The following DDX10 variants were observed in gnomAD, a reference collection of about 807,000 sequenced individuals.
DDX10 encodes DEAD-box helicase 10.
A neutral mutation model predicts 104.3 loss-of-function variants in DDX10; 74 were observed. The observed-to-expected ratio is 0.71, with a 90% CI of 0.59 to 0.86. The LOEUF (loss-of-function observed/expected upper bound fraction) is 0.86, where lower values mean the gene tolerates loss of function less well. DDX10 is among the 40% of genes least tolerant of loss of function. The pLI is 0.00. For synonymous variants in DDX10, 351 were observed against 353.4 expected (o/e 0.99, Z 0.08); for missense variants, 952 against 1,040.0 (o/e 0.92, Z 1.16).
intron 9 of DDX10, among the ~76,000 whole-genome samples, chr11:108,702,936 A>G (rs568011230): frequency 1.3e-5 from 2 of 152,348 alleles, no homozygotes; most frequent in East Asian, 1.9e-4. Flanking sequence ...GCAAGTTTAT[A>G]TATTAATACA....
At chr11:108,915,805 C>G (rs1863740452) in intron 16 of DDX10, among the ~76,000 whole-genome samples, 1 of 152,040 alleles carries the variant, frequency 6.6e-6, no homozygotes, top group South Asian at 2.1e-4. Flanking sequence ...TTACTCTTCC[C>G]TTTCCCAAAT....
chr11:108,887,851 TAG>T (rs879586230), intron 16 of DDX10, among the ~76,000 whole-genome samples: 3 of 151,706 alleles, frequency 2.0e-5, no homozygotes, highest in Non-Finnish European at 2.9e-5. Context: ...ACCTGGGCAG[TAG>T]AGATTGCGGT....
At chr11:108,883,424 C>T in intron 16 of DDX10, among the ~76,000 whole-genome samples, 1 of 152,160 alleles carries the variant, frequency 6.6e-6, no homozygotes, top group Non-Finnish European at 1.5e-5. Flanking sequence ...TATTTGGTTG[C>T]TGGATCCCAT....
At chr11:108,792,549 A>G (rs144697012) in intron 13 of DDX10, among the ~76,000 whole-genome samples, 52 of 152,286 alleles carry the variant, frequency 3.4e-4, no homozygotes, top group African/African-American at 1.2e-3. Flanking sequence ...TGGTACCTTT[A>G]GAAATAAGTT....
intron 16 of DDX10, among the ~76,000 whole-genome samples, chr11:108,855,115 T>C (rs560873492): frequency 2.6e-5 from 4 of 152,342 alleles, no homozygotes; most frequent in African/African-American, 9.6e-5. Context: ...AGTACTTGAA[T>C]TGCACAATAG....
chr11:108,708,246 G>T (rs1591797195), intron 10 of DDX10, among the ~76,000 whole-genome samples: 1 of 144,884 alleles, frequency 6.9e-6, no homozygotes, highest in Admixed American at 6.8e-5. Flanking sequence ...AGTGGATATT[G>T]GATTTTGTTA....
At chr11:108,720,906 T>A (rs2094297561) in intron 12 of DDX10, among the ~76,000 whole-genome samples, 1 of 151,546 alleles carries the variant, frequency 6.6e-6, no homozygotes, top group African/African-American at 2.4e-5. Context: ...TTTTTTTTTT[T>A]TTTTTAAACC....
chr11:108,857,556 T>C (rs1436299102), intron 16 of DDX10, among the ~76,000 whole-genome samples: 1 of 152,236 alleles, frequency 6.6e-6, no homozygotes, highest in Non-Finnish European at 1.5e-5. Flanking sequence ...TTTGTGTGCC[T>C]ATCTCTCATC....
At chr11:108,920,508 A>G (rs1863809406) in intron 17 of DDX10, 1 of 152,198 alleles carries the variant, frequency 6.6e-6, no homozygotes, top group Non-Finnish European at 1.5e-5. Context: ...CTGTGAACAC[A>G]GAGATTGTCT....
At chr11:108,764,342 A>G (rs1015209836) in intron 13 of DDX10, among the ~76,000 whole-genome samples, 1 of 152,126 alleles carries the variant, frequency 6.6e-6, no homozygotes, top group African/African-American at 2.4e-5. Context: ...GTTATTTTTT[A>G]TAAAATTCTC....
chr11:108,795,209 C>T (rs945277104), intron 13 of DDX10, among the ~76,000 whole-genome samples: 27 of 148,306 alleles, frequency 1.8e-4, no homozygotes, highest in Admixed American at 5.4e-4. Context: ...GGAGGTATTT[C>T]TGCTTCTGTG....
At chr11:108,699,002 T>A (rs1033607572) in intron 9 of DDX10, among the ~76,000 whole-genome samples, 1 of 152,218 alleles carries the variant, frequency 6.6e-6, no homozygotes, top group Non-Finnish European at 1.5e-5. Context: ...TAACCCTGCT[T>A]GACATTCCTT....
intron 13 of DDX10, among the ~76,000 whole-genome samples, chr11:108,803,836 CAT>C (rs981846780): frequency 4.6e-5 from 7 of 152,218 alleles, no homozygotes; most frequent in African/African-American, 1.4e-4. Context: ...AGCAAATGCT[CAT>C]GTGTTAGAAA....
intron 13 of DDX10, among the ~76,000 whole-genome samples, chr11:108,751,034 G>C (rs866605282): frequency 7.6e-4 from 103 of 135,154 alleles, no homozygotes; most frequent in African/African-American, 2.8e-3. Context: ...CTCCTGCCTT[G>C]GCCTCCCAAA....
At chr11:108,918,116 A>T (rs776396897) in intron 17 of DDX10, 98 bp downstream of exon 17, 4 of 1,258,954 alleles carry the variant, frequency 3.2e-6, no homozygotes, top group Non-Finnish European at 4.5e-6. Flanking sequence ...ACTCCAAGAG[A>T]TGTTTGTTGC....
At chr11:108,823,443 G>A (rs1295870991) in intron 13 of DDX10, among the ~76,000 whole-genome samples, 4 of 152,238 alleles carry the variant, frequency 2.6e-5, no homozygotes, top group African/African-American at 7.2e-5. Context: ...GAAAAATGTC[G>A]GATGTAACAG....
At chr11:108,692,102 T>C in intron 8 of DDX10, 64 bp downstream of exon 8, 1 of 1,444,064 alleles carries the variant, frequency 6.9e-7, no homozygotes, top group Non-Finnish European at 9.3e-7. Flanking sequence ...TTATAAAGTA[T>C]ATTTTGGGAA....
chr11:108,828,678 G>C (rs1293039033), intron 13 of DDX10, among the ~76,000 whole-genome samples: 2 of 152,204 alleles, frequency 1.3e-5, no homozygotes, highest in African/African-American at 4.8e-5. Context: ...AGGCTGGAGT[G>C]CAGTGGCACA....
chr11:108,693,664 A>G (rs1338524874), intron 9 of DDX10, 64 bp downstream of exon 9: 6 of 1,273,722 alleles, frequency 4.7e-6, no homozygotes, highest in African/African-American at 4.4e-5. Flanking sequence ...TGCTTTTCCA[A>G]CTGCAGATAA....
Sources: gnomAD v4.1 joint callset for allele counts (sites outside exome capture counted in the v4.1 genomes callset) on GRCh38, gnomAD v4.1.1 for gene constraint, MANE v1.5 for transcripts, NCBI Gene and HGNC (gene_info 2026-07-23, HGNC 2026-07-21) for gene names.